PDE7B: variants seen among roughly 807,000 people sequenced by gnomAD.
PDE7B encodes the protein 3',5'-cyclic-AMP phosphodiesterase 7B.
PDE7B carries 29 observed loss-of-function variants against 56.2 expected under a neutral mutation model. The observed-to-expected ratio is 0.52, with a 90% CI of 0.38 to 0.70. The LOEUF (loss-of-function observed/expected upper bound fraction) is 0.70, where lower values mean the gene tolerates loss of function less well. PDE7B is among the 30% of genes least tolerant of loss of function. The pLI is 0.00. For synonymous variants in PDE7B, 197 were observed against 196.9 expected (o/e 1.00, Z 0.00); for missense variants, 490 against 565.0 (o/e 0.87, Z 1.35).
At chr6:136,036,359 A>G (rs1776326109) in intron 2 of PDE7B, among the ~76,000 whole-genome samples, 1 of 152,240 alleles carries the variant, frequency 6.6e-6, no homozygotes, top group Admixed American at 6.5e-5. Context: ...TATTTTCATA[A>G]CAAAATTCAC....
intron 2 of PDE7B, among the ~76,000 whole-genome samples, chr6:136,102,191 A>G (rs1355517541): frequency 6.6e-6 from 1 of 152,038 alleles, no homozygotes; most frequent in African/African-American, 2.4e-5. Flanking sequence ...AAAGGTGCTC[A>G]TACACATAAA....
chr6:136,152,141 G>A (rs867895245), intron 6 of PDE7B, among the ~76,000 whole-genome samples: 6 of 152,196 alleles, frequency 3.9e-5, no homozygotes, highest in Middle Eastern at 6.8e-3. Context: ...GTGGACTCAC[G>A]TGGTTTAAAC....
At chr6:136,038,207 A>G (rs1776358843) in intron 2 of PDE7B, 2 of 1,299,788 alleles carry the variant, frequency 1.5e-6, no homozygotes, top group African/African-American at 3.0e-5. Context: ...CAGCAGCAGA[A>G]GCAGAAACAG....
intron 2 of PDE7B, among the ~76,000 whole-genome samples, chr6:136,010,092 A>G (rs951864565): frequency 5.3e-5 from 8 of 152,112 alleles, no homozygotes; most frequent in African/African-American, 1.9e-4. Context: ...AGTGGTATGA[A>G]TTTCCCTCTG....
chr6:136,059,014 G>A (rs1013988956), intron 2 of PDE7B, among the ~76,000 whole-genome samples: 1 of 152,180 alleles, frequency 6.6e-6, no homozygotes, highest in South Asian at 2.1e-4. Context: ...CTTTTTAGAT[G>A]CATGAATTAT....
In PDE7B at chr6:135,901,639, A is replaced by G. The variant is rs1301850670; in HGVS notation, c.22-45825A>G. Among the ~76,000 whole-genome samples, 3 of 152,152 alleles carry G rather than the reference A, an allele frequency of 2.0e-5. No individual in the cohort carries two copies. The East Asian group carries it at 5.8e-4, about 29-fold the overall frequency. ...GGTGGACAAGTCAAGCTCCAAATTG[A>G]CCCGGCAGCACACCCCAGGGAGCAG... On this transcript the variant is annotated intron_variant, in intron 1 of 12. Coordinates refer to ENST00000308191, the MANE Select transcript of PDE7B (RefSeq NM_018945.4).
chr6:136,071,986 G>A (rs1039679917), intron 2 of PDE7B, among the ~76,000 whole-genome samples: 2 of 152,060 alleles, frequency 1.3e-5, no homozygotes, highest in Non-Finnish European at 2.9e-5. Context: ...TATGTTTTAA[G>A]AATTAAATGA....
chr6:135,857,113 C>T (rs956464870), intron 1 of PDE7B, among the ~76,000 whole-genome samples: 1 of 143,004 alleles, frequency 7.0e-6, no homozygotes, highest in African/African-American at 2.6e-5. Flanking sequence ...CTCTCTTTCT[C>T]TTTCTTTCTT....
At chr6:135,903,636 G>T (rs1776045099) in intron 1 of PDE7B, among the ~76,000 whole-genome samples, 1 of 152,186 alleles carries the variant, frequency 6.6e-6, no homozygotes. Flanking sequence ...CAGGGCCAAA[G>T]AGGTCCATGA....
intron 1 of PDE7B, among the ~76,000 whole-genome samples, chr6:135,913,592 G>C (rs1188819705): frequency 6.6e-6 from 1 of 151,952 alleles, no homozygotes; most frequent in Non-Finnish European, 1.5e-5. Context: ...TAGGTACCTT[G>C]ATTCAAAAAG....
intron 2 of PDE7B, among the ~76,000 whole-genome samples, chr6:136,022,405 G>T (rs546594299): frequency 6.6e-6 from 1 of 152,262 alleles, no homozygotes; most frequent in African/African-American, 2.4e-5. Flanking sequence ...AAATTCATTT[G>T]CCTGCCTTTA....
At chr6:135,913,939 C>A (rs1306395023) in intron 1 of PDE7B, among the ~76,000 whole-genome samples, 2 of 152,070 alleles carry the variant, frequency 1.3e-5, no homozygotes, top group African/African-American at 4.8e-5. Context: ...TTTCTGTAAC[C>A]CACACATCAC....
At chr6:135,862,880 T>C (rs1056058089) in intron 1 of PDE7B, among the ~76,000 whole-genome samples, 1 of 151,932 alleles carries the variant, frequency 6.6e-6, no homozygotes, top group Non-Finnish European at 1.5e-5. Context: ...CTATTAGCAG[T>C]TAATTCAAGA....
intron 2 of PDE7B, among the ~76,000 whole-genome samples, chr6:135,972,613 T>C (rs1287958649): frequency 6.6e-6 from 1 of 152,138 alleles, no homozygotes; most frequent in Non-Finnish European, 1.5e-5. Flanking sequence ...TGGGAAGTAT[T>C]TTTTTGCAGA....
At chr6:136,164,082 C>G (rs561009224) in intron 8 of PDE7B, among the ~76,000 whole-genome samples, 17 of 152,246 alleles carry the variant, frequency 1.1e-4, no homozygotes, top group African/African-American at 4.1e-4. Context: ...TTAGTCCATT[C>G]TCATGTTGCT....
At chr6:136,145,347 A>G (rs1472875296) in intron 3 of PDE7B, among the ~76,000 whole-genome samples, 1 of 152,010 alleles carries the variant, frequency 6.6e-6, no homozygotes, top group African/African-American at 2.4e-5. Context: ...TTTTTAAATG[A>G]TTCCATCATT....
intron 1 of PDE7B, among the ~76,000 whole-genome samples, chr6:135,868,473 T>C (rs1259542856): frequency 6.6e-6 from 1 of 152,038 alleles, no homozygotes; most frequent in African/African-American, 2.4e-5. Flanking sequence ...TGTCACCCAG[T>C]CTGGCTGGGG....
intron 1 of PDE7B, among the ~76,000 whole-genome samples, chr6:135,879,212 G>T (rs1349506066): frequency 6.6e-6 from 1 of 152,026 alleles, no homozygotes; most frequent in Non-Finnish European, 1.5e-5. Flanking sequence ...TGAATAAGAA[G>T]CCTTTTATTG....
chr6:135,889,307 T>C (rs1775764642), intron 1 of PDE7B, among the ~76,000 whole-genome samples: 1 of 151,554 alleles, frequency 6.6e-6, no homozygotes, highest in African/African-American at 2.4e-5. Context: ...TGTCTCCAGC[T>C]GAACAATTTT....
Sources: gnomAD v4.1 joint callset for allele counts (sites outside exome capture counted in the v4.1 genomes callset) on GRCh38, gnomAD v4.1.1 for gene constraint, MANE v1.5 for transcripts, NCBI Gene and HGNC (gene_info 2026-07-23, HGNC 2026-07-21) for gene names.